The following CRYL1 variants were observed in gnomAD, a reference collection of about 807,000 sequenced individuals.
CRYL1 encodes lambda-crystallin homolog.
CRYL1 carries 29 observed loss-of-function variants against 36.6 expected under a neutral mutation model. The observed-to-expected ratio is 0.79, with a 90% CI of 0.59 to 1.08. CRYL1 has a LOEUF of 1.08. Among genes scored for constraint, CRYL1 ranks in the 50% least tolerant of loss-of-function variants. CRYL1 has a pLI of 0.00. For synonymous variants in CRYL1, 152 were observed against 151.5 expected, an observed-to-expected ratio of 1.00 and a Z score of -0.02; for missense variants, 411 against 407.9, an observed-to-expected ratio of 1.01 and a Z score of -0.06.
rs954198219 is a variant in CRYL1 at position 20,525,252 on chromosome 13, C to G, written c.41+502G>C. ...CGACATCGTCGCCGACAGGACTGCGCTGGCACCCTCCCTGCTGGGCTAGTC... is the reference window on the plus strand; with the variant it reads ...CGACATCGTCGCCGACAGGACTGCGGTGGCACCCTCCCTGCTGGGCTAGTC... On this transcript the variant is annotated intron_variant, in intron 1 of 7. Transcript: ENST00000298248. This position sits in a 1 kb window ranked among gnomAD's most constrained non-coding sequence, Gnocchi z 4.3. Among the ~76,000 whole-genome samples the G allele has an allele frequency of 6.6e-6, 1 of 152,224 alleles. No individual in the cohort carries two copies. The highest frequency in any genetic ancestry group is 1.5e-5 in the Non-Finnish European group (1 of 68,052).
At chr13:20,406,283 A>C (rs1243786241) in intron 6 of CRYL1, among the ~76,000 whole-genome samples, 2 of 152,132 alleles carry the variant, frequency 1.3e-5, no homozygotes, top group African/African-American at 2.4e-5. Context: ...AACAAACATC[A>C]TCTTTGGGGT....
chr13:20,479,816 G>A lies in CRYL1; in HGVS notation c.276+9554C>T, dbSNP rs570396784. Among the ~76,000 whole-genome samples the A allele has an allele frequency of 2.0e-5, 3 of 152,318 alleles. No individual in the cohort carries two copies. In the South Asian group the frequency reaches 6.2e-4, roughly 32 times the overall value. ...GTTTCTGTCCTAAAGAACCCTGGAA[G>A]GAAAACTGGCTGGCCCAGCCCTGGG... On this transcript the variant is annotated intron_variant, in intron 3 of 7. Coordinates refer to ENST00000298248, the MANE Select transcript of CRYL1 (RefSeq NM_015974.3).
intron 2 of CRYL1, among the ~76,000 whole-genome samples, chr13:20,503,637 G>T (rs1170105899): frequency 1.3e-5 from 2 of 152,256 alleles, no homozygotes; most frequent in Non-Finnish European, 2.9e-5. Context: ...GAGTAAGGGG[G>T]TGAGAGGAGC....
At position 20,477,882 on chromosome 13, in the gene CRYL1, A is replaced by G. The variant is rs927345585; in HGVS notation, c.276+11488T>C. 8.7e-5 allele frequency among the ~76,000 whole-genome samples: 5 copies of G among 57,770 alleles called. No individual in the cohort carries two copies. In the Admixed American group the frequency reaches 8.9e-4, roughly 10 times the overall value. 37.9% of individuals were successfully genotyped at this position (57,770 alleles called of 152,430 possible). A position where few individuals can be genotyped will look rare whatever the true frequency, so the allele number is the denominator to read the frequency against. On this transcript the variant is annotated intron_variant, in intron 3 of 7. Transcript: ENST00000298248. The stretch of plus-strand genomic sequence containing the variant: ...TAATATATATTATATGATAATATAT[A>G]ATACTATACTATAAATACTACCATA...
intron 3 of CRYL1, among the ~76,000 whole-genome samples, chr13:20,471,131 G>T (rs145887032): frequency 6.6e-6 from 1 of 152,192 alleles, no homozygotes; most frequent in Non-Finnish European, 1.5e-5. Flanking sequence ...GGGGGTGGTT[G>T]TGTGTGTTAG....
chr13:20,438,816 G>T (rs762558117), intron 4 of CRYL1, among the ~76,000 whole-genome samples: 11 of 152,120 alleles, frequency 7.2e-5, no homozygotes, highest in Non-Finnish European at 1.5e-4. Context: ...ATTCTAACAG[G>T]CAGTCCTGGT....
chr13:20,463,794 T>C (rs1192767012), intron 3 of CRYL1, among the ~76,000 whole-genome samples: 1 of 152,216 alleles, frequency 6.6e-6, no homozygotes, highest in Non-Finnish European at 1.5e-5. Flanking sequence ...TTTAGAAATG[T>C]ATAAAATGAC....
intron 4 of CRYL1, 54 bp downstream of exon 4, chr13:20,439,539 A>AAAAAAAAAAAAAAG: frequency 7.2e-7 from 1 of 1,380,450 alleles, no homozygotes; most frequent in Non-Finnish European, 9.7e-7. Flanking sequence ...AAGAAAAAAA[A>AAAAAAAAAAAAAAG]AAAACACAGA....
At chr13:20,508,162 GA>G (rs1256056740) in intron 2 of CRYL1, among the ~76,000 whole-genome samples, 17 of 152,120 alleles carry the variant, frequency 1.1e-4, no homozygotes, top group African/African-American at 4.1e-4. Context: ...CCAGGAAGTG[GA>G]GGCTGCAGTG....
rs756561847 is a variant in CRYL1, at chr13:20,481,728, T to A, written c.276+7642A>T. Among the ~76,000 whole-genome samples the A allele has an allele frequency of 2.0e-5, 3 of 152,128 alleles. No individual in the cohort carries two copies. Among genetic ancestry groups the A allele is most frequent in the Non-Finnish European group, 2.9e-5 (2 of 68,008 alleles). ...GAGTTCAAGACCAGCCTGGCCAACA[T>A]GATGAAACCCCGTCTCTACTAAAAA... On this transcript the variant is annotated intron_variant, in intron 3 of 7. Transcript: ENST00000298248. This position sits in a 1 kb window ranked among gnomAD's most constrained non-coding sequence, Gnocchi z 4.1.
At position 20,508,848 on chromosome 13, in the gene CRYL1, C is replaced by CAAA. The variant is rs1179533995; in HGVS notation, c.149+3592_149+3594dup. Among the ~76,000 whole-genome samples the CAAA allele has an allele frequency of 3.3e-3, 35 of 10,448 alleles. 5 individuals are homozygous for CAAA. The highest frequency in any genetic ancestry group is 0.01 in the African/African-American group (32 of 3,136). 6.9% of individuals were successfully genotyped at this position (10,448 alleles called of 152,430 possible). A position where few individuals can be genotyped will look rare whatever the true frequency, so the allele number is the denominator to read the frequency against. On this transcript the variant is annotated intron_variant, in intron 2 of 7. Coordinates refer to ENST00000298248, the MANE Select transcript of CRYL1 (RefSeq NM_015974.3). ...CGGCCTAGGTGGCAGAGCGAGACTC[C>CAAA]AAAAAAAAAAAAAAAAAAAAAAAAA...
chr13:20,439,998 G>A, intron 3 of CRYL1: 2 of 418,390 alleles, frequency 4.8e-6, no homozygotes, highest in Non-Finnish European at 8.7e-6. Context: ...TTCCCATGAA[G>A]CAGGGCATAA....
intron 2 of CRYL1, among the ~76,000 whole-genome samples, chr13:20,498,751 A>G (rs1380813228): frequency 6.6e-6 from 1 of 152,210 alleles, no homozygotes; most frequent in Non-Finnish European, 1.5e-5. Flanking sequence ...AAGGAGAAAG[A>G]CAGATTTAGC....
chr13:20,498,538 G>C (rs1030255967), intron 2 of CRYL1, among the ~76,000 whole-genome samples: 1 of 152,120 alleles, frequency 6.6e-6, no homozygotes, highest in Non-Finnish European at 1.5e-5. Flanking sequence ...ATTATAAAAG[G>C]TTATAAAGTT....
At chr13:20,433,439 C>T (rs1296218197) in intron 4 of CRYL1, among the ~76,000 whole-genome samples, 1 of 152,164 alleles carries the variant, frequency 6.6e-6, no homozygotes, top group Non-Finnish European at 1.5e-5. Context: ...GTCACATTTG[C>T]TAAGTGATGC....
At chr13:20,418,747 A>C (rs1272703769) in intron 5 of CRYL1, 2 of 152,130 alleles carry the variant, frequency 1.3e-5, no homozygotes, top group African/African-American at 4.8e-5. Context: ...TTCTTGTGCA[A>C]ACACTACAAT....
intron 3 of CRYL1, among the ~76,000 whole-genome samples, chr13:20,465,610 C>T (rs915962796): frequency 6.6e-6 from 1 of 152,154 alleles, no homozygotes; most frequent in South Asian, 2.1e-4. Flanking sequence ...GAGGCAGGCA[C>T]CGGTCACCCT....
intron 2 of CRYL1, among the ~76,000 whole-genome samples, chr13:20,489,758 G>A (rs548052501): frequency 6.6e-6 from 1 of 152,274 alleles, no homozygotes; most frequent in East Asian, 1.9e-4. Flanking sequence ...CCCAAAAACA[G>A]AATTACAGTA....
chr13:20,501,674 T>C (rs6490590), intron 2 of CRYL1, among the ~76,000 whole-genome samples: 132,592 of 152,168 alleles, frequency 0.87, 60,389 homozygotes, highest in East Asian at 1. Context: ...CAACAGAAAT[T>C]CTAGCACACT....
Sources: gnomAD v4.1 joint callset for allele counts (sites outside exome capture counted in the v4.1 genomes callset) on GRCh38, gnomAD v4.1.1 for gene constraint, Gnocchi (gnomAD v3.1) non-coding constraint, MANE v1.5 for transcripts, NCBI Gene and HGNC (gene_info 2026-07-23, HGNC 2026-07-21) for gene names.